Variants in TMEM268 observed in about 807,000 individuals in gnomAD.
The protein encoded by TMEM268 is transmembrane protein 268, also known as transmembrane protein C9orf91.
Under a neutral mutation model 39.1 loss-of-function variants are expected in TMEM268, and 24 were observed. The ratio of observed to expected loss-of-function variants is 0.61; its 90% CI spans 0.44 to 0.86. TMEM268 has a LOEUF of 0.86. TMEM268 is among the 40% of genes least tolerant of loss of function. TMEM268 has a pLI of 0.00. For synonymous variants in TMEM268, 176 were observed against 173.5 expected (o/e 1.01, Z -0.12); for missense variants, 409 against 428.6 (o/e 0.95, Z 0.40).
chr9:114,640,647 A>C (rs566137497), intron 8 of TMEM268, among the ~76,000 whole-genome samples: 4 of 152,312 alleles, frequency 2.6e-5, no homozygotes, highest in Non-Finnish European at 5.9e-5. Context: ...TGCTTCTTAC[A>C]TTATTGATTT....
intron 2 of TMEM268, among the ~76,000 whole-genome samples, chr9:114,619,293 GCACACACACACACA>G (rs10552544): frequency 6.7e-6 from 1 of 150,294 alleles, no homozygotes; most frequent in African/African-American, 2.4e-5. Context: ...GTGCACGCGT[GCACACACACACACA>G]CACACACACA....
chr9:114,624,101 A>G (rs2133633232), intron 2 of TMEM268: 1 of 514,234 alleles, frequency 1.9e-6, no homozygotes, highest in Non-Finnish European at 2.8e-6. Flanking sequence ...CTCTTGGAAA[A>G]TTCTTCCTTA....
chr9:114,614,061 A>G (rs868673116), intron 1 of TMEM268, among the ~76,000 whole-genome samples: 3 of 152,324 alleles, frequency 2.0e-5, no homozygotes, highest in Middle Eastern at 3.4e-3. Context: ...CAGCAGCTAT[A>G]GGAGGTAGAC....
At chr9:114,636,174 T>C (rs1807455163) in intron 6 of TMEM268, among the ~76,000 whole-genome samples, 1 of 152,140 alleles carries the variant, frequency 6.6e-6, no homozygotes, top group Non-Finnish European at 1.5e-5. Flanking sequence ...GTAATGTGAA[T>C]GTGGAAGATT....
At chr9:114,630,484 G>C (rs928917196) in intron 5 of TMEM268, among the ~76,000 whole-genome samples, 2 of 152,146 alleles carry the variant, frequency 1.3e-5, no homozygotes, top group African/African-American at 4.8e-5. Flanking sequence ...AGCACCTATT[G>C]TATGCTGTAT....
intron 2 of TMEM268, among the ~76,000 whole-genome samples, chr9:114,621,581 G>A (rs894964134): frequency 1.3e-5 from 2 of 152,188 alleles, no homozygotes; most frequent in South Asian, 2.1e-4. Flanking sequence ...AAGGAGAAGA[G>A]CGTCAGTTAT....
At chr9:114,609,755 G>C (rs1013244644), upstream of TMEM268, among the ~76,000 whole-genome samples, 6 of 132,888 alleles carry the variant, frequency 4.5e-5, no homozygotes, top group Admixed American at 4.0e-4. Flanking sequence ...AAGAAAGAAA[G>C]AAAGAAAGAA....
At chr9:114,641,497 G>T (rs1827336825) in intron 8 of TMEM268, among the ~76,000 whole-genome samples, 1 of 152,186 alleles carries the variant, frequency 6.6e-6, no homozygotes, top group South Asian at 2.1e-4. Flanking sequence ...CCAGTGAATG[G>T]ATCTTTACAG....
At chr9:114,617,595 G>A (rs1225751134) in intron 2 of TMEM268, among the ~76,000 whole-genome samples, 3 of 152,090 alleles carry the variant, frequency 2.0e-5, no homozygotes, top group Non-Finnish European at 1.5e-5. Flanking sequence ...TTTAGAGACA[G>A]GGTCTTGCTC....
chr9:114,615,446 A>T (rs1845666238), intron 1 of TMEM268: 1 of 152,412 alleles, frequency 6.6e-6, no homozygotes, highest in Non-Finnish European at 1.5e-5. Context: ...GCTTAAAAAC[A>T]TTTCTTTTTT....
At chr9:114,636,774 T>C (rs1265634407) in intron 6 of TMEM268, among the ~76,000 whole-genome samples, 1 of 152,240 alleles carries the variant, frequency 6.6e-6, no homozygotes, top group Admixed American at 6.5e-5. Context: ...GTGCTGGGAT[T>C]ACAGGTGTGA....
In TMEM268 at chr9:114,617,150, A is replaced by C. The variant is rs762858729; in HGVS notation, c.-46A>C. On this transcript the variant is annotated 5_prime_UTR_variant, in exon 2 of 9. Coordinates refer to ENST00000288502, the MANE Select transcript of TMEM268 (RefSeq NM_153045.4). ...ATGCTGAGCTGGCTGCTCCAGAATG[A>C]ACCACAGCTCTGAGAAGGGGAAGTA... 15 of 1,300,840 alleles carry C rather than the reference A, an allele frequency of 1.2e-5. No individual in the cohort carries two copies. The highest frequency in any genetic ancestry group is 1.6e-5 in the Non-Finnish European group (15 of 920,680). 80.6% of individuals were successfully genotyped at this position (1,300,840 alleles called of 1,614,324 possible).
intron 8 of TMEM268, 40 bp from the exon 9 acceptor site, chr9:114,643,094 C>G: frequency 6.2e-7 from 1 of 1,608,244 alleles, no homozygotes; most frequent in Non-Finnish European, 8.5e-7. Context: ...CCTCAAGGGG[C>G]TCCCCTGTGG....
At chr9:114,619,847 G>C (rs1283586287) in intron 2 of TMEM268, among the ~76,000 whole-genome samples, 2 of 152,072 alleles carry the variant, frequency 1.3e-5, no homozygotes, top group African/African-American at 4.8e-5. Flanking sequence ...TCCACATCCA[G>C]AACCTGTTCT....
chr9:114,635,195 T>A (rs12004578), intron 6 of TMEM268, among the ~76,000 whole-genome samples: 31,920 of 151,066 alleles, frequency 0.21, 3,602 homozygotes, highest in African/African-American at 0.29. Context: ...ATAAAAAAAT[T>A]AGCAGGGCGT....
upstream of TMEM268, among the ~76,000 whole-genome samples, chr9:114,609,834 GAGA>G (rs1845430035): frequency 8.5e-6 from 1 of 117,780 alleles, no homozygotes. Flanking sequence ...GAAAGAAAGA[GAGA>G]AAGAAAGAAA....
At chr9:114,637,569 C>T (rs1181391412) in intron 7 of TMEM268, among the ~76,000 whole-genome samples, 2 of 152,172 alleles carry the variant, frequency 1.3e-5, no homozygotes, top group African/African-American at 4.8e-5. Context: ...GCTGGGATTA[C>T]AGGTGTGAGC....
intron 2 of TMEM268, among the ~76,000 whole-genome samples, chr9:114,618,025 C>A (rs1384840657): frequency 6.6e-6 from 1 of 151,928 alleles, no homozygotes; most frequent in East Asian, 1.9e-4. Context: ...TACAGGTACC[C>A]ACCACCACGC....
intron 8 of TMEM268, among the ~76,000 whole-genome samples, chr9:114,642,238 C>A (rs1361838927): frequency 6.6e-6 from 1 of 152,146 alleles, no homozygotes; most frequent in African/African-American, 2.4e-5. Flanking sequence ...ATTTTACTTT[C>A]TCTCCCTGTG....
Sources: gnomAD v4.1 joint callset for allele counts (sites outside exome capture counted in the v4.1 genomes callset) on GRCh38, gnomAD v4.1.1 for gene constraint, MANE v1.5 for transcripts, NCBI Gene and HGNC (gene_info 2026-07-23, HGNC 2026-07-21) for gene names.